Variants in COX10 observed in about 807,000 individuals in gnomAD.
COX10 encodes protoheme IX farnesyltransferase, mitochondrial.
A neutral mutation model predicts 37.3 loss-of-function variants in COX10; 27 were observed. The ratio of observed to expected loss-of-function variants is 0.72; its 90% CI spans 0.53 to 1.00. COX10 has a LOEUF of 1.00. Among genes scored for constraint, COX10 ranks in the 50% least tolerant of loss-of-function variants. The pLI, the probability that COX10 is intolerant of heterozygous loss-of-function variation, is 0.00. For synonymous variants in COX10, 222 were observed against 229.1 expected, an observed-to-expected ratio of 0.97 and a Z score of 0.28; for missense variants, 475 against 563.2, an observed-to-expected ratio of 0.84 and a Z score of 1.59.
chr17:14,184,342 G>A (rs1322721449), intron 5 of COX10, among the ~76,000 whole-genome samples: 2 of 152,148 alleles, frequency 1.3e-5, no homozygotes, highest in Non-Finnish European at 2.9e-5. Flanking sequence ...CAGACCACCT[G>A]ATCCTACTCA....
chr17:14,092,811 A>G (rs1915558175), intron 3 of COX10, among the ~76,000 whole-genome samples: 1 of 152,310 alleles, frequency 6.6e-6, no homozygotes, highest in Non-Finnish European at 1.5e-5. Flanking sequence ...TTAAAAATCA[A>G]AAAAGACTTA....
At chr17:14,182,555 C>T (rs1040396501) in intron 5 of COX10, among the ~76,000 whole-genome samples, 2 of 152,088 alleles carry the variant, frequency 1.3e-5, no homozygotes, top group Admixed American at 1.3e-4. Context: ...AAATAAGATT[C>T]TGGGGAGACA....
intron 6 of COX10, among the ~76,000 whole-genome samples, chr17:14,197,907 G>C (rs1225697652): frequency 6.6e-6 from 1 of 152,174 alleles, no homozygotes; most frequent in Non-Finnish European, 1.5e-5. Flanking sequence ...TCATTATAAT[G>C]GGATTTTACT....
chr17:14,083,600 A>G (rs914000748), intron 3 of COX10, among the ~76,000 whole-genome samples: 1 of 152,240 alleles, frequency 6.6e-6, no homozygotes, highest in Non-Finnish European at 1.5e-5. Flanking sequence ...TCTGTGGGTT[A>G]GTGGGTAGCA....
At chr17:14,080,844 C>G (rs1333420795) in intron 3 of COX10, among the ~76,000 whole-genome samples, 1 of 151,514 alleles carries the variant, frequency 6.6e-6, no homozygotes, top group African/African-American at 2.4e-5. Context: ...TATTTTGCCC[C>G]ATGGAGATTT....
chr17:14,160,434 A>G (rs1182846693), intron 5 of COX10, among the ~76,000 whole-genome samples: 1 of 152,210 alleles, frequency 6.6e-6, no homozygotes, highest in Non-Finnish European at 1.5e-5. Context: ...TTTTAACATC[A>G]CTAATGGTTA....
intron 5 of COX10, among the ~76,000 whole-genome samples, chr17:14,162,647 A>G (rs545627570): frequency 6.7e-6 from 1 of 149,956 alleles, no homozygotes; most frequent in Admixed American, 6.6e-5. Context: ...TATCAACTAC[A>G]TAGAATTTAT....
chr17:14,101,842 A>G (rs770060269), intron 3 of COX10, among the ~76,000 whole-genome samples: 2 of 152,210 alleles, frequency 1.3e-5, no homozygotes, highest in South Asian at 4.1e-4. Context: ...TGTCTGTTGA[A>G]TGAATAAGTG....
chr17:14,099,942 G>A (rs574410025), intron 3 of COX10, among the ~76,000 whole-genome samples: 11 of 152,064 alleles, frequency 7.2e-5, no homozygotes, highest in Admixed American at 1.3e-4. Flanking sequence ...TCCTTTCCAT[G>A]TCACCCAAGT....
At chr17:14,152,620 C>T (rs901743693) in intron 4 of COX10, among the ~76,000 whole-genome samples, 2 of 152,112 alleles carry the variant, frequency 1.3e-5, no homozygotes, top group Admixed American at 6.5e-5. Flanking sequence ...CTGGGCCTGA[C>T]AAAAGCAGAG....
chr17:14,191,738 A>G (rs1173794299), intron 5 of COX10, among the ~76,000 whole-genome samples: 2 of 152,218 alleles, frequency 1.3e-5, no homozygotes, highest in African/African-American at 2.4e-5. Flanking sequence ...AGAACACTCT[A>G]ATCCTGACTC....
At chr17:14,070,875 A>G (rs547082599) in intron 1 of COX10, among the ~76,000 whole-genome samples, 2 of 152,296 alleles carry the variant, frequency 1.3e-5, no homozygotes, top group East Asian at 1.9e-4. Flanking sequence ...GGTGATCTCA[A>G]AGGTCCTGTT....
At chr17:14,144,968 G>A (rs542320996) in intron 4 of COX10, among the ~76,000 whole-genome samples, 228 of 152,146 alleles carry the variant, frequency 1.5e-3, no homozygotes, top group Middle Eastern at 6.8e-3. Flanking sequence ...GGCTAAACGT[G>A]CTATACAGAC....
chr17:14,125,411 C>T (rs191345138), intron 4 of COX10, among the ~76,000 whole-genome samples: 25 of 152,228 alleles, frequency 1.6e-4, no homozygotes, highest in African/African-American at 6.0e-4. Context: ...AGGGTATTGC[C>T]ATTAACAGGG....
At chr17:14,163,383 T>TCCC (rs1314342146) in intron 5 of COX10, among the ~76,000 whole-genome samples, 3 of 152,010 alleles carry the variant, frequency 2.0e-5, no homozygotes, top group African/African-American at 7.3e-5. Flanking sequence ...GCCTCCCAAG[T>TCCC]AGTTGGGACT....
intron 3 of COX10, among the ~76,000 whole-genome samples, chr17:14,086,831 G>A (rs535366529): frequency 2.0e-5 from 3 of 152,002 alleles, no homozygotes; most frequent in Non-Finnish European, 2.9e-5. Flanking sequence ...GAGATTGATA[G>A]TATTCCATAG....
At chr17:14,188,124 CA>C (rs1906092147) in intron 5 of COX10, among the ~76,000 whole-genome samples, 1 of 93,750 alleles carries the variant, frequency 1.1e-5, no homozygotes, top group Non-Finnish European at 2.1e-5. Flanking sequence ...TTTTTTTTGA[CA>C]CAAGGGCCAA....
intron 4 of COX10, among the ~76,000 whole-genome samples, chr17:14,139,013 C>T (rs1465588894): frequency 6.6e-6 from 1 of 152,098 alleles, no homozygotes; most frequent in Non-Finnish European, 1.5e-5. Flanking sequence ...CCTCAGTTTC[C>T]TCATCTTTAA....
intron 6 of COX10, among the ~76,000 whole-genome samples, chr17:14,197,787 A>G (rs1277240868): frequency 6.6e-6 from 1 of 152,226 alleles, no homozygotes; most frequent in Admixed American, 6.5e-5. Context: ...CCCAGCCCAG[A>G]GAGTGCTCTT....
Sources: allele counts gnomAD v4.1 joint callset (sites outside exome capture counted in the v4.1 genomes callset), GRCh38; gene constraint gnomAD v4.1.1; transcripts MANE v1.5; gene names NCBI Gene and HGNC (gene_info 2026-07-23, HGNC 2026-07-21).